PDXDC1: variants seen among roughly 807,000 people sequenced by gnomAD.
PDXDC1 encodes pyridoxal-dependent decarboxylase domain-containing protein 1.
A neutral mutation model predicts 100.1 loss-of-function variants in PDXDC1; 42 were observed. The ratio of observed to expected loss-of-function variants is 0.42; its 90% confidence interval spans 0.33 to 0.54. PDXDC1 has a LOEUF of 0.54. Ranked by LOEUF, PDXDC1 falls within the 20% of genes least tolerant of loss-of-function variation. The pLI, the probability that PDXDC1 is intolerant of heterozygous loss-of-function variation, is 0.10. For synonymous variants in PDXDC1, 260 were observed against 371.7 expected, an observed-to-expected ratio of 0.70 and a Z score of 3.46; for missense variants, 636 against 979.2, an observed-to-expected ratio of 0.65 and a Z score of 4.68.
At chr16:15,150,083 G>C in the PDXDC1 span, among the ~76,000 whole-genome samples, 2 of 152,056 alleles carry the variant, frequency 1.3e-5, no homozygotes, top group Admixed American at 6.6e-5. Flanking sequence ...GGTGGCTCAA[G>C]CCTGTAATCC....
At chr16:15,040,418 G>C (rs901660174), downstream of PDXDC1, 2 of 242,572 alleles carry the variant, frequency 8.2e-6, no homozygotes, top group East Asian at 9.1e-5. Context: ...CGTTCTGTTT[G>C]AATCTTCACA....
chr16:15,074,900 C>G, intron 16 of PDXDC1: 1 of 1,571,270 alleles, frequency 6.4e-7, no homozygotes. Flanking sequence ...TTAAAAAATT[C>G]AATGTCAAAG....
intron 12 of PDXDC1, among the ~76,000 whole-genome samples, chr16:15,022,409 C>G (rs2042273643): frequency 3.3e-5 from 5 of 152,404 alleles, no homozygotes; most frequent in African/African-American, 9.6e-5. Context: ...AGTACTGTGC[C>G]TTGCACGTGT....
At chr16:15,082,410 C>T (rs1350532752) in intron 16 of PDXDC1, among the ~76,000 whole-genome samples, 1 of 152,162 alleles carries the variant, frequency 6.6e-6, no homozygotes, top group Admixed American at 6.5e-5. Flanking sequence ...CGGTGGTTCA[C>T]GCCTCTAATC....
rs1193904161 is a variant in PDXDC1, at chr16:15,125,937, T to C, written c.1400-12942T>C. 6.3e-6 allele frequency: 4 copies of C among 632,992 alleles called. No individual in the cohort carries two copies. The East Asian group carries it at 8.2e-5, about 13-fold the overall frequency. The allele number at this position is 632,992 out of a possible 1,614,324, so 39.2% of individuals were successfully genotyped here. ...ACAGAATGTCCTAGAATGCTGGATA[T>C]ATGGGACATCTGCACCGTCCGTGAT... is the stretch of plus-strand genomic sequence containing the variant. On this transcript the variant is annotated intron_variant, in intron 16 of 16. Coordinates refer to the PDXDC1 transcript ENST00000535621.
At chr16:15,147,384 G>A in the PDXDC1 span, among the ~76,000 whole-genome samples, 468 of 152,288 alleles carry the variant, frequency 3.1e-3, no homozygotes, top group Non-Finnish European at 5.6e-3. Context: ...CGGCTTCTCA[G>A]AGCCTCAATT....
intron 16 of PDXDC1, among the ~76,000 whole-genome samples, chr16:15,054,455 A>C (rs2044420607): frequency 6.6e-6 from 1 of 152,198 alleles, no homozygotes; most frequent in Non-Finnish European, 1.5e-5. Context: ...AGCATCCCCT[A>C]AATTCTTCAG....
intron 16 of PDXDC1, chr16:15,133,775 C>T (rs2048220243): frequency 2.5e-6 from 4 of 1,588,892 alleles, no homozygotes; most frequent in Non-Finnish European, 3.4e-6. Context: ...GCTGCTCCCC[C>T]TAAGCAGGCC....
At chr16:14,986,754 G>A (rs1969466082) in intron 1 of PDXDC1, among the ~76,000 whole-genome samples, 1 of 152,252 alleles carries the variant, frequency 6.6e-6, no homozygotes, top group Non-Finnish European at 1.5e-5. Flanking sequence ...TTGGTTTTGG[G>A]ATTTTTGTTT....
chr16:15,066,856 C>T (rs566919708), intron 16 of PDXDC1, among the ~76,000 whole-genome samples: 1 of 152,050 alleles, frequency 6.6e-6, no homozygotes, highest in Admixed American at 6.6e-5. Context: ...ATTTCAATCC[C>T]CTGCTCTTAG....
At chr16:15,042,807 A>T (rs4985151), downstream of PDXDC1, among the ~76,000 whole-genome samples, 11,846 of 151,828 alleles carry the variant, frequency 0.078, 595 homozygotes, top group Non-Finnish European at 0.11. Context: ...ATCTCAGCTC[A>T]CTGCAACCTC....
At chr16:15,126,321 G>A (rs1173336541) in intron 16 of PDXDC1, among the ~76,000 whole-genome samples, 4 of 112,632 alleles carry the variant, frequency 3.6e-5, no homozygotes, top group Non-Finnish European at 7.8e-5. Flanking sequence ...ACAGGTGTGA[G>A]CCACCACACC....
Position 15,038,039 on chromosome 16 carries a change from C to CTGGAGAAGAGATCTTTT in PDXDC1, c.*1765_*1781dup, listed in dbSNP as rs1567749021. 2 of 1,611,088 alleles carry CTGGAGAAGAGATCTTTT rather than the reference C, an allele frequency of 1.2e-6. No homozygotes were observed. The highest frequency in any genetic ancestry group is 2.2e-5 in the East Asian group (1 of 44,872). On this transcript the variant is annotated 3_prime_UTR_variant, in exon 23 of 23. Coordinates refer to ENST00000396410, the MANE Select transcript of PDXDC1 (RefSeq NM_015027.4). ...TTGGTAATTCATGTTTTTTAACTTC[C>CTGGAGAAGAGATCTTTT]TGGAGAAGAGATCTTTTCCCACAAG...
chr16:15,125,925 G>C, intron 16 of PDXDC1: 1 of 648,308 alleles, frequency 1.5e-6, no homozygotes, highest in Non-Finnish European at 2.8e-6. Flanking sequence ...GAATGTCCTA[G>C]AATGCTGGAT....
chr16:15,104,455 GGGA>G lies in PDXDC1; in HGVS notation c.1400-34422_1400-34420del, dbSNP rs2046697057. On this transcript the variant is annotated intron_variant, in intron 16 of 16. Coordinates refer to the PDXDC1 transcript ENST00000535621. Reference sequence around the variant, plus strand: ...CTGAGGGTGGAGCTGAGGGTGGAAGGGGAGTGAGCAGACACACTCGGGAGGTGT... The same window carrying G: ...CTGAGGGTGGAGCTGAGGGTGGAAGGGTGAGCAGACACACTCGGGAGGTGT... The G allele has an allele frequency of 1.4e-5, 15 of 1,038,092 alleles. 5 individuals carry two copies. Among genetic ancestry groups the G allele is most frequent in the Admixed American group, 2.7e-5 (1 of 36,560 alleles). 64.3% of individuals were successfully genotyped at this position (1,038,092 alleles called of 1,614,324 possible).
At chr16:15,128,356 C>G in intron 16 of PDXDC1, 2 of 1,606,556 alleles carry the variant, frequency 1.2e-6, no homozygotes, top group Non-Finnish European at 1.7e-6. Flanking sequence ...GCTGTCCACC[C>G]CATACAGCAT....
chr16:15,006,731 C>G, intron 6 of PDXDC1, 148 bp downstream of exon 6: 1 of 810,762 alleles, frequency 1.2e-6, no homozygotes, highest in Non-Finnish European at 1.8e-6. Flanking sequence ...GTAAAAATTA[C>G]TGAATTTAGA....
At chr16:15,143,616 C>T (rs1342822301), downstream of PDXDC1, among the ~76,000 whole-genome samples, 2 of 152,204 alleles carry the variant, frequency 1.3e-5, no homozygotes, top group Non-Finnish European at 2.9e-5. Context: ...GCTGGCAGGG[C>T]CCGGGAAGTC....
chr16:15,136,360 C>G (rs1436330594), intron 16 of PDXDC1, among the ~76,000 whole-genome samples: 1 of 152,284 alleles, frequency 6.6e-6, no homozygotes, highest in East Asian at 1.9e-4. Context: ...ATGGCGTGCC[C>G]AGGAGTGTCC....
Sources: allele counts gnomAD v4.1 joint callset (sites outside exome capture counted in the v4.1 genomes callset), GRCh38; gene constraint gnomAD v4.1.1; transcripts MANE v1.5; gene names NCBI Gene and HGNC (gene_info 2026-07-23, HGNC 2026-07-21).